TG: variants seen among roughly 807,000 people sequenced by gnomAD.
The protein encoded by TG is thyroid hormones.
In TG, 270 loss-of-function variants were observed where a neutral mutation model predicts 324.7. That is an observed-to-expected ratio of 0.83 (90% CI 0.75 to 0.92). TG has a LOEUF of 0.92. Among genes scored for constraint, TG ranks in the 40% least tolerant of loss-of-function variants. The pLI is 0.00. For synonymous variants in TG, 1,401 were observed against 1,327.0 expected (o/e 1.06, Z -1.21); for missense variants, 3,591 against 3,456.4 (o/e 1.04, Z -0.98).
At chr8:132,995,562 G>A (rs1832791736) in intron 35 of TG, 14 of 981,758 alleles carry the variant, frequency 1.4e-5, no homozygotes, top group South Asian at 4.7e-5. Context: ...AATTTCTATC[G>A]TTTTGCCCAC....
At chr8:133,002,440 A>G (rs776502925) in intron 35 of TG, 1 of 981,004 alleles carries the variant, frequency 1.0e-6, no homozygotes, top group South Asian at 4.7e-5. Context: ...CACATCTTTC[A>G]GCAAGAAATA....
chr8:133,018,495 A>G (rs554552986), intron 38 of TG, among the ~76,000 whole-genome samples: 4 of 151,306 alleles, frequency 2.6e-5, no homozygotes, highest in Admixed American at 6.6e-5. Context: ...TAAATGAGCT[A>G]ATGAAATTTT....
intron 34 of TG, among the ~76,000 whole-genome samples, chr8:132,979,023 G>A (rs1830508435): frequency 6.6e-6 from 1 of 152,226 alleles, no homozygotes; most frequent in South Asian, 2.1e-4. Flanking sequence ...GAATTGCAGA[G>A]TCTCAGGCTA....
intron 43 of TG, among the ~76,000 whole-genome samples, chr8:133,100,915 A>G (rs988044190): frequency 6.6e-6 from 1 of 152,160 alleles, no homozygotes; most frequent in Non-Finnish European, 1.5e-5. Context: ...CGTTATCTCA[A>G]CTGTATGGCT....
At chr8:132,893,587 GTGTGGTGTGTA>G in intron 10 of TG, 92 bp from the exon 11 acceptor site, 1 of 1,496,536 alleles carries the variant, frequency 6.7e-7, no homozygotes, top group South Asian at 1.1e-5. Context: ...TGTGGTGTGT[GTGTGGTGTGTA>G]TGTGTGTGCG....
chr8:132,999,122 G>T (rs532101595), intron 35 of TG, among the ~76,000 whole-genome samples: 1 of 152,124 alleles, frequency 6.6e-6, no homozygotes, highest in Admixed American at 6.5e-5. Flanking sequence ...CAGGAGGCTG[G>T]GGAAGGATGA....
chr8:132,888,257 TC>T lies in TG; in HGVS notation c.2451del (p.Phe817LeufsTer31). On this transcript the variant is annotated frameshift_variant, in exon 10 of 48. Coordinates refer to ENST00000220616, the MANE Select transcript of TG (RefSeq NM_003235.5). LOFTEE classifies it high-confidence loss of function. ...MSYREAASGNFSLFIQSLYEA... is the reference protein window; with the variant it reads ...MSYREAASGNXSLFIQSLYEA... The stretch of plus-strand genomic sequence containing the variant: ...TACAGAGAAGCAGCTTCCGGAAACT[TC>T]AGTCTCTTTATTCAAAGTCTGTATG... 1 of 1,614,208 alleles carries T rather than the reference TC, an allele frequency of 6.2e-7. No homozygotes were observed. The highest frequency in any genetic ancestry group is 8.5e-7 in the Non-Finnish European group (1 of 1,180,046).
intron 41 of TG, chr8:133,050,990 G>A: frequency 1.2e-6 from 1 of 822,246 alleles, no homozygotes; most frequent in Non-Finnish European, 2.1e-6. Flanking sequence ...AGGCTTGGGA[G>A]GGAGGGTATG....
intron 41 of TG, chr8:133,044,871 G>A: frequency 4.0e-6 from 4 of 996,052 alleles, no homozygotes; most frequent in Non-Finnish European, 6.3e-6. Context: ...ATATCATGAA[G>A]GCAGCATAGG....
At chr8:133,026,142 A>G (rs1287479567) in intron 40 of TG, among the ~76,000 whole-genome samples, 1 of 152,178 alleles carries the variant, frequency 6.6e-6, no homozygotes, top group Non-Finnish European at 1.5e-5. Flanking sequence ...TGATCTCAGC[A>G]GTGGCAGCCC....
intron 41 of TG, chr8:133,045,174 G>C: frequency 6.3e-7 from 1 of 1,594,674 alleles, no homozygotes; most frequent in Non-Finnish European, 8.6e-7. Context: ...AAGGCACCCA[G>C]CTAACCAGCC....
At chr8:133,120,865 A>G (rs1324795681) in intron 45 of TG, among the ~76,000 whole-genome samples, 1 of 152,224 alleles carries the variant, frequency 6.6e-6, no homozygotes, top group Non-Finnish European at 1.5e-5. Flanking sequence ...TTGAATGGCA[A>G]TGGCCCAAAG....
intron 41 of TG, among the ~76,000 whole-genome samples, chr8:133,067,919 G>GGAAGGAAGGAGGA (rs1587972683): frequency 1.2e-5 from 1 of 85,828 alleles, no homozygotes; most frequent in African/African-American, 3.6e-5. Context: ...AGGAAGGAAA[G>GGAAGGAAGGAGGA]AGAGAGAGAG....
intron 26 of TG, 103 bp from the exon 27 acceptor site, chr8:132,948,673 G>A (rs1469428532): frequency 6.5e-6 from 8 of 1,228,120 alleles, no homozygotes; most frequent in South Asian, 2.4e-5. Context: ...CTCCTGAGAC[G>A]CTGTCACCTA....
At chr8:133,105,928 A>T (rs1448252824) in intron 43 of TG, among the ~76,000 whole-genome samples, 2 of 152,194 alleles carry the variant, frequency 1.3e-5, no homozygotes, top group Non-Finnish European at 2.9e-5. Flanking sequence ...TGGGGTAGCC[A>T]GATGGCCATA....
intron 41 of TG, among the ~76,000 whole-genome samples, chr8:133,077,393 G>A (rs1345728217): frequency 6.6e-6 from 1 of 152,154 alleles, no homozygotes; most frequent in Admixed American, 6.5e-5. Flanking sequence ...TTGTCCAGTG[G>A]GTCATTGGGT....
chr8:132,934,916 C>G (rs1312836222), intron 24 of TG, among the ~76,000 whole-genome samples: 1 of 152,114 alleles, frequency 6.6e-6, no homozygotes, highest in African/African-American at 2.4e-5. Flanking sequence ...TAAGAACCTT[C>G]TTCTAGATAC....
Position 132,911,434 on chromosome 8 carries a change from G to C in TG, c.4060G>C (p.Val1354Leu). Residue 1354 changes from valine to leucine, a missense_variant, in exon 19 of 48, where the codon GTG becomes CTG. Physicochemically the swap from Val to Leu is conservative, Grantham distance 32. Coordinates refer to ENST00000220616, the MANE Select transcript of TG (RefSeq NM_003235.5). ...TGTCTGCAACAACTCCTCTGTGCAG[G>C]TGGGTTGTCTGACCAGGGAGCGTTT... Reference protein sequence around the residue: ...IPVCNNSSVQVGCLTRERLGV... With the variant: ...IPVCNNSSVQLGCLTRERLGV... 2 of 1,614,234 alleles carry C rather than the reference G, an allele frequency of 1.2e-6. No homozygotes were observed. The highest frequency in any genetic ancestry group is 1.1e-5 in the South Asian group (1 of 91,088).
At chr8:133,003,508 G>T (rs1833745691) in intron 35 of TG, among the ~76,000 whole-genome samples, 1 of 151,308 alleles carries the variant, frequency 6.6e-6, no homozygotes, top group Non-Finnish European at 1.5e-5. Flanking sequence ...CTGTGTAATA[G>T]ATCTCAAAAA....
Sources: allele counts gnomAD v4.1 joint callset (sites outside exome capture counted in the v4.1 genomes callset), GRCh38; gene constraint gnomAD v4.1.1; transcripts MANE v1.5; gene names NCBI Gene and HGNC (gene_info 2026-07-23, HGNC 2026-07-21).